SCAPER: variants seen among roughly 807,000 people sequenced by gnomAD.
SCAPER encodes S-phase cyclin A associated protein in the ER.
A neutral mutation model predicts 182.2 loss-of-function variants in SCAPER; 98 were observed. That is an observed-to-expected ratio of 0.54 (90% confidence interval 0.46 to 0.64). The LOEUF is 0.64. Among genes scored for constraint, SCAPER ranks in the 30% least tolerant of loss-of-function variants. SCAPER has a pLI of 0.00. For synonymous variants in SCAPER, 605 were observed against 564.6 expected (o/e 1.07, Z -1.01); for missense variants, 1,432 against 1,690.0 (o/e 0.85, Z 2.68).
At chr15:76,386,084 T>C (rs1289458485) in intron 27 of SCAPER, among the ~76,000 whole-genome samples, 13 of 152,228 alleles carry the variant, frequency 8.5e-5, no homozygotes, top group Admixed American at 8.5e-4. Context: ...TGGCCCCTTA[T>C]TGCAGCTTCA....
rs2049358435 is a variant in SCAPER, at chr15:76,594,558, T to C, written c.2712-20274A>G. ...ACCAAGGTTGAAATGAAGGAAAACA[T>C]GTTAAGGGCAGCCAGAGAGAAAGGT... On this transcript the variant is annotated intron_variant, in intron 22 of 31. Coordinates refer to ENST00000563290, the MANE Select transcript of SCAPER (RefSeq NM_020843.4). Among the ~76,000 whole-genome samples the C allele has an allele frequency of 1.7e-5, 2 of 120,716 alleles. 1 individual carries two copies. The highest frequency in any genetic ancestry group is 4.0e-5 in the Non-Finnish European group (2 of 49,810). The allele number at this position is 120,716 out of a possible 152,430, so 79.2% of individuals were successfully genotyped here.
rs758132987 is a variant in SCAPER at position 76,574,299 on chromosome 15, G to C, written c.2712-15C>G. 5.6e-6 allele frequency: 9 copies of C among 1,607,460 alleles called. No individual in the cohort carries two copies. Among genetic ancestry groups the C allele is most frequent in the Admixed American group, 3.4e-5 (2 of 59,314 alleles). ...ATCGCTGAAGCCTTTAATACCAAAT[G>C]AAAGGAAAGAATGACATTAATGAAA... On this transcript the variant is annotated splice_polypyrimidine_tract_variant and intron_variant, in intron 22 of 31. Coordinates refer to ENST00000563290, the MANE Select transcript of SCAPER (RefSeq NM_020843.4).
intron 25 of SCAPER, among the ~76,000 whole-genome samples, chr15:76,446,895 C>T (rs1433740982): frequency 1.3e-5 from 2 of 152,198 alleles, no homozygotes; most frequent in East Asian, 3.8e-4. Context: ...AGTACCTATA[C>T]ATCCATTCCC....
At chr15:76,688,062 G>A (rs557737183) in intron 20 of SCAPER, among the ~76,000 whole-genome samples, 7 of 152,268 alleles carry the variant, frequency 4.6e-5, no homozygotes, top group East Asian at 1.9e-4. Flanking sequence ...CACCAACAGC[G>A]TAAAAGCACT....
chr15:76,704,193 A>C (rs150006333), intron 18 of SCAPER, among the ~76,000 whole-genome samples: 1 of 152,338 alleles, frequency 6.6e-6, no homozygotes, highest in African/African-American at 2.4e-5. Context: ...TAATGCCTTC[A>C]AGTCATTAGT....
At chr15:76,812,390 G>A (rs867202548) in intron 5 of SCAPER, among the ~76,000 whole-genome samples, 1 of 150,368 alleles carries the variant, frequency 6.7e-6, no homozygotes, top group South Asian at 2.1e-4. Flanking sequence ...TTGGGAGGCT[G>A]AGCACAAAAA....
intron 26 of SCAPER, among the ~76,000 whole-genome samples, chr15:76,422,474 C>A (rs1028657063): frequency 1.3e-5 from 2 of 152,100 alleles, no homozygotes; most frequent in Admixed American, 6.6e-5. Flanking sequence ...GATTTTGTAT[C>A]CTGAGACTTT....
intron 8 of SCAPER, among the ~76,000 whole-genome samples, chr15:76,779,510 A>T (rs1286278882): frequency 1.3e-5 from 2 of 152,122 alleles, no homozygotes; most frequent in Non-Finnish European, 2.9e-5. Flanking sequence ...AAAATAGACA[A>T]TCTGGATAGC....
chr15:76,378,209 A>C (rs1224715603), intron 28 of SCAPER, among the ~76,000 whole-genome samples: 1 of 152,204 alleles, frequency 6.6e-6, no homozygotes, highest in Non-Finnish European at 1.5e-5. Flanking sequence ...AATCATCAAC[A>C]TGTCTTATAT....
chr15:76,848,874 G>A (rs2070420857), intron 4 of SCAPER, among the ~76,000 whole-genome samples: 1 of 151,918 alleles, frequency 6.6e-6, no homozygotes, highest in Admixed American at 6.6e-5. Context: ...TCACTAGGCA[G>A]GGCCCATGGC....
intron 21 of SCAPER, among the ~76,000 whole-genome samples, chr15:76,643,824 T>C (rs2404734): frequency 0.27 from 41,546 of 152,050 alleles, 6,459 homozygotes; most frequent in East Asian, 0.55. Flanking sequence ...ACAGTAGGCA[T>C]ATAAAATTGC....
intron 23 of SCAPER, among the ~76,000 whole-genome samples, chr15:76,542,951 T>A (rs995520967): frequency 3.9e-5 from 6 of 152,192 alleles, no homozygotes; most frequent in African/African-American, 1.2e-4. Flanking sequence ...TAGTTCTCAA[T>A]ACAAAGTTTT....
At chr15:76,879,785 AC>A (rs1595887056) in intron 2 of SCAPER, among the ~76,000 whole-genome samples, 2 of 152,070 alleles carry the variant, frequency 1.3e-5, no homozygotes, top group Non-Finnish European at 1.5e-5. Context: ...GTTTTCTTCA[AC>A]CCCGAGACTT....
chr15:76,390,821 T>TA (rs1318677341), intron 27 of SCAPER, among the ~76,000 whole-genome samples: 2 of 151,744 alleles, frequency 1.3e-5, no homozygotes, highest in African/African-American at 2.4e-5. Flanking sequence ...CAAGTAAAGG[T>TA]AATTGCTTCT....
At chr15:76,812,228 C>A (rs1383578632) in intron 5 of SCAPER, among the ~76,000 whole-genome samples, 1 of 151,922 alleles carries the variant, frequency 6.6e-6, no homozygotes, top group African/African-American at 2.4e-5. Context: ...GTGGGCGAAT[C>A]ATTTGAATCT....
intron 5 of SCAPER, among the ~76,000 whole-genome samples, chr15:76,811,762 T>G (rs974468154): frequency 6.6e-6 from 1 of 151,038 alleles, no homozygotes; most frequent in Non-Finnish European, 1.5e-5. Context: ...CACTCCAGCC[T>G]GGGCAACAAG....
chr15:76,488,706 T>C (rs945556194), intron 24 of SCAPER, among the ~76,000 whole-genome samples: 1 of 138,528 alleles, frequency 7.2e-6, no homozygotes, highest in Non-Finnish European at 1.5e-5. Flanking sequence ...CTGATAACAG[T>C]ACACTGCCTT....
At chr15:76,710,205 T>A (rs1014677738) in intron 17 of SCAPER, among the ~76,000 whole-genome samples, 3 of 152,090 alleles carry the variant, frequency 2.0e-5, no homozygotes, top group African/African-American at 7.2e-5. Context: ...GGCATCCACA[T>A]TAGAAATAAA....
At chr15:76,457,066 CTTT>C (rs556374437) in intron 25 of SCAPER, among the ~76,000 whole-genome samples, 2 of 142,036 alleles carry the variant, frequency 1.4e-5, no homozygotes, top group Admixed American at 7.0e-5. Flanking sequence ...GCTTTACACA[CTTT>C]TTTTTTTTTT....
Sources: allele counts gnomAD v4.1 joint callset (sites outside exome capture counted in the v4.1 genomes callset), GRCh38; gene constraint gnomAD v4.1.1; transcripts MANE v1.5; gene names NCBI Gene and HGNC (gene_info 2026-07-23, HGNC 2026-07-21).